The following CAPN8 variants were observed in gnomAD, a reference collection of about 807,000 sequenced individuals.
CAPN8 encodes the protein calpain 8, also known as calpain-8.
In CAPN8, 87 loss-of-function variants were observed where a neutral mutation model predicts 80.9. That is an observed-to-expected ratio of 1.07 (90% CI 0.90 to 1.28). The LOEUF is 1.28. Among genes scored for constraint, CAPN8 ranks in the 50% most tolerant of loss-of-function variants. The pLI is 0.00. For missense variants in CAPN8, 757 were observed against 702.0 expected (o/e 1.08, Z -0.89); for synonymous variants, 299 against 273.8 (o/e 1.09, Z -0.91).
intron 19 of CAPN8, among the ~76,000 whole-genome samples, 190 bp from the exon 20 acceptor site, chr1:223,543,356 T>C (rs1481202631): frequency 6.6e-6 from 1 of 152,028 alleles, no homozygotes; most frequent in African/African-American, 2.4e-5. Context: ...AATGAGCTTT[T>C]GGGGGATCAG....
chr1:223,624,386 G>T (rs978875576), intron 6 of CAPN8, among the ~76,000 whole-genome samples: 2 of 152,162 alleles, frequency 1.3e-5, no homozygotes, highest in African/African-American at 4.8e-5. Context: ...TTAGTTGTGT[G>T]GTTTTATCAT....
At position 223,616,014 on chromosome 1, in the gene CAPN8, G is replaced by A. The variant is rs943335653; in HGVS notation, c.1267C>T (p.Arg423Trp). The A allele has an allele frequency of 1.3e-5, 20 of 1,552,156 alleles. No homozygotes were observed. Among genetic ancestry groups the A allele is most frequent in the African/African-American group, 1.2e-4 (9 of 73,046 alleles). Residue 423 changes from arginine to tryptophan, a missense_variant, in exon 10 of 21, where the codon CGG becomes TGG. Transcript: ENST00000366872. ...LMQKNRRWRK[R>W]IGQGMLSIGY... ...ATGCTAAGCATGCCTTGTCCTATCCGCTTCCGCCACCTGCGATTTTTCTGC... is the reference window on the plus strand; with the variant it reads ...ATGCTAAGCATGCCTTGTCCTATCCACTTCCGCCACCTGCGATTTTTCTGC...
At chr1:223,646,322 T>C (rs1658191109) in intron 2 of CAPN8, among the ~76,000 whole-genome samples, 1 of 152,236 alleles carries the variant, frequency 6.6e-6, no homozygotes, top group Non-Finnish European at 1.5e-5. Flanking sequence ...TCTGGGATCA[T>C]CCTGCTCTAT....
At chr1:223,614,137 G>T (rs1302643121) in intron 10 of CAPN8, among the ~76,000 whole-genome samples, 1 of 152,210 alleles carries the variant, frequency 6.6e-6, no homozygotes, top group African/African-American at 2.4e-5. Context: ...AGTGGCTCAC[G>T]CCTTTAATGC....
chr1:223,660,919 C>T (rs1167964797), intron 1 of CAPN8, among the ~76,000 whole-genome samples: 1 of 152,204 alleles, frequency 6.6e-6, no homozygotes, highest in South Asian at 2.1e-4. Flanking sequence ...GTAATCCCAA[C>T]ATTTTGGGAG....
At chr1:223,542,166 A>G (rs1656484006) in intron 20 of CAPN8, among the ~76,000 whole-genome samples, 1 of 151,786 alleles carries the variant, frequency 6.6e-6, no homozygotes, top group South Asian at 2.1e-4. Flanking sequence ...TATTATATAC[A>G]CACATATATA....
At chr1:223,657,226 C>G (rs1658519413) in intron 1 of CAPN8, among the ~76,000 whole-genome samples, 1 of 152,060 alleles carries the variant, frequency 6.6e-6, no homozygotes, top group Non-Finnish European at 1.5e-5. Context: ...TCTGGGTGTT[C>G]TAAAAGTGTG....
Position 223,622,838 on chromosome 1 carries a change from C to T in CAPN8, c.876G>A (p.Glu292=). 3.9e-6 allele frequency: 6 copies of T among 1,551,798 alleles called. No homozygotes were observed. Among genetic ancestry groups the T allele is most frequent in the Non-Finnish European group, 5.2e-6 (6 of 1,147,012 alleles). The change falls in exon 7 of 21, where the codon GAG becomes GAA. Residue 292 remains glutamate (E), a synonymous_variant. Transcript: ENST00000366872. ...IRLRNPWGEV[E]WSGAWSDDAP... The stretch of plus-strand genomic sequence containing the variant: ...ACTCATCGCTCCAGGCTCCCGACCA[C>T]TCCACTTCACCCCATGGATTCCTGA...
chr1:223,545,327 G>A lies in CAPN8; in HGVS notation c.1765-28C>T, dbSNP rs1489731057. ...AGGCACATTAAAGACCAACATGATT[G>A]AGTCCAAATTCTACATGCCTTATAG... On this transcript the variant is annotated intron_variant, in intron 16 of 20. Transcript: ENST00000366872. 14 of 1,551,316 alleles carry A rather than the reference G, an allele frequency of 9.0e-6. No homozygotes were observed. In the South Asian group the frequency reaches 1.4e-4, roughly 16 times the overall value.
intron 2 of CAPN8, among the ~76,000 whole-genome samples, chr1:223,639,637 C>T (rs954751763): frequency 3.9e-5 from 6 of 152,252 alleles, no homozygotes; most frequent in East Asian, 1.9e-4. Context: ...TAAAAGCCCA[C>T]GCTGCTGCAG....
rs1658424254 is a variant in CAPN8 at position 223,654,417 on chromosome 1, C to A, written c.238-18G>T. ...CACAACTCCTGAAAGTAATTTGGAA[C>A]AAAACACAAGTCACAAGGTGCTCAG... is the stretch of plus-strand genomic sequence containing the variant. On this transcript the variant is annotated intron_variant, in intron 1 of 20. Transcript: ENST00000366872. 4 of 1,551,094 alleles carry A rather than the reference C, an allele frequency of 2.6e-6. No individual in the cohort carries two copies. The highest frequency in any genetic ancestry group is 2.6e-6 in the Non-Finnish European group (3 of 1,146,616).
Position 223,654,383 on chromosome 1 carries a change from G to C in CAPN8, c.254C>G (p.Pro85Arg). Residue 85 changes from proline (P) to arginine (R), a missense_variant, in exon 2 of 21, where the codon CCT becomes CGT. Coordinates refer to ENST00000366872, the MANE Select transcript of CAPN8 (RefSeq NM_001143962.2). ...CGTGGCTCCACCAACGATAAACTGA[G>C]GGCTGGGACACAACTCCTGAAAGTA... ...WKRPTELCPS[P>R]QFIVGGATRT... The C allele has an allele frequency of 6.4e-7, 1 of 1,551,678 alleles. No homozygotes were observed. Among genetic ancestry groups the C allele is most frequent in the Non-Finnish European group, 8.7e-7 (1 of 1,146,984 alleles).
intron 16 of CAPN8, among the ~76,000 whole-genome samples, chr1:223,545,821 C>CTT (rs141485616): frequency 0.018 from 1,816 of 98,534 alleles, 130 homozygotes; most frequent in African/African-American, 0.056. Context: ...CACTCCACAA[C>CTT]TTTTTTTTTT....
chr1:223,548,392 A>G (rs35231644), intron 16 of CAPN8, among the ~76,000 whole-genome samples: 36,780 of 152,016 alleles, frequency 0.24, 4,470 homozygotes, highest in East Asian at 0.31. Flanking sequence ...CATTCCTCCC[A>G]AAAACTACTG....
intron 2 of CAPN8, among the ~76,000 whole-genome samples, chr1:223,637,039 C>T (rs1657910636): frequency 6.6e-6 from 1 of 152,206 alleles, no homozygotes; most frequent in African/African-American, 2.4e-5. Context: ...CAAGTAGAGC[C>T]TCATCTCCCC....
chr1:223,554,016 A>C, intron 13 of CAPN8, 116 bp from the exon 14 acceptor site: 1 of 395,236 alleles, frequency 2.5e-6, no homozygotes. Flanking sequence ...ACTATGTGCC[A>C]GGCTTTGGGC....
intron 2 of CAPN8, among the ~76,000 whole-genome samples, chr1:223,629,986 T>A (rs1280332825): frequency 6.6e-6 from 1 of 152,232 alleles, no homozygotes; most frequent in Non-Finnish European, 1.5e-5. Context: ...GTGGACCTTG[T>A]CTCACTCTAA....
chr1:223,557,086 C>T (rs1656921992), intron 13 of CAPN8, among the ~76,000 whole-genome samples: 1 of 152,148 alleles, frequency 6.6e-6, no homozygotes, highest in Non-Finnish European at 1.5e-5. Flanking sequence ...AGCAGTCACA[C>T]CAGTTCAGAA....
intron 2 of CAPN8, among the ~76,000 whole-genome samples, chr1:223,651,173 G>A (rs1302491854): frequency 1.3e-5 from 2 of 152,178 alleles, no homozygotes; most frequent in South Asian, 2.1e-4. Flanking sequence ...AGAAGACGGA[G>A]CAAGGAAAGG....
Sources: allele counts gnomAD v4.1 joint callset (sites outside exome capture counted in the v4.1 genomes callset), GRCh38; gene constraint gnomAD v4.1.1; transcripts MANE v1.5; gene names NCBI Gene and HGNC (gene_info 2026-07-23, HGNC 2026-07-21).